Variants in SPTBN2 observed in about 807,000 individuals in gnomAD.
The protein encoded by SPTBN2 is spectrin beta, non-erythrocytic 2, also known as spectrin beta chain, non-erythrocytic 2.
A neutral mutation model predicts 284.2 loss-of-function variants in SPTBN2; 107 were observed. The ratio of observed to expected loss-of-function variants is 0.38; its 90% CI spans 0.32 to 0.44. The LOEUF (loss-of-function observed/expected upper bound fraction) is 0.44. Ranked by LOEUF, SPTBN2 falls within the 20% of genes least tolerant of loss-of-function variation. The probability of loss-of-function intolerance (pLI) is 1.00; values close to 1 mark genes in which losing one functional copy is unlikely to be tolerated. For missense variants in SPTBN2, 2,569 were observed against 3,287.1 expected, an observed-to-expected ratio of 0.78 and a Z score of 5.34; for synonymous variants, 1,289 against 1,354.8, an observed-to-expected ratio of 0.95 and a Z score of 1.07.
At position 66,708,804 on chromosome 11, in the gene SPTBN2, T is replaced by C. The variant is rs1423762703; in HGVS notation, c.1191+98A>G. 4.1e-6 allele frequency: 4 copies of C among 973,336 alleles called. No individual in the cohort carries two copies. The highest frequency in any genetic ancestry group is 3.2e-5 in the African/African-American group (2 of 62,478). 60.3% of individuals were successfully genotyped at this position (973,336 alleles called of 1,614,324 possible). ...AAGTTGGGGCAGCAGATAGTAGAAC[T>C]TGGTGAAGGTCGACATGGCCCCGGG... is the stretch of plus-strand genomic sequence containing the variant. On this transcript the variant is annotated intron_variant, in intron 11 of 37. Coordinates refer to ENST00000533211, the MANE Select transcript of SPTBN2 (RefSeq NM_006946.4). This position sits in a 1 kb window ranked among gnomAD's most constrained non-coding sequence, Gnocchi z 4.4.
chr11:66,726,440 T>C (rs1210446366), intron 1 of SPTBN2, among the ~76,000 whole-genome samples: 2 of 152,190 alleles, frequency 1.3e-5, no homozygotes, highest in South Asian at 2.1e-4. Context: ...CTGAAGCTAA[T>C]GGTCTGGGGA....
At position 66,704,794 on chromosome 11, in the gene SPTBN2, G is replaced by T; in HGVS notation, c.2482C>A (p.Pro828Thr). The T allele has an allele frequency of 1.2e-6, 2 of 1,604,342 alleles. No individual in the cohort carries two copies. The highest frequency in any genetic ancestry group is 1.7e-6 in the Non-Finnish European group (2 of 1,177,616). The change falls in exon 15 of 38, where the codon CCC (proline) becomes ACC (threonine). Residue 828 changes from proline to threonine, a missense_variant. Around this residue, in one of 6 missense-constraint regions of SPTBN2, gnomAD observed 1,012 missense variants for 1,248.9 expected, o/e 0.81. Coordinates refer to ENST00000533211, the MANE Select transcript of SPTBN2 (RefSeq NM_006946.4). ...TCCTCGTAGTGCCGCTCCAGGGTGG[G>T]CACCCGGCTCTGCACCTCGGGCGTG... ...SRTPEVQSRV[P>T]TLERHYEELQ...
Position 66,691,762 on chromosome 11 carries a change from C to G in SPTBN2, c.5191-104G>C. The G allele has an allele frequency of 6.5e-7, 1 of 1,541,752 alleles. No homozygotes were observed. Among genetic ancestry groups the G allele is most frequent in the Non-Finnish European group, 8.8e-7 (1 of 1,131,596 alleles). ...CTCCAAACTCAGAACCCACCTCTCC[C>G]CGCTGCATGGGGGCCGGGACAGGTT... On this transcript the variant is annotated intron_variant, in intron 26 of 37. Coordinates refer to ENST00000533211, the MANE Select transcript of SPTBN2 (RefSeq NM_006946.4). The surrounding 1 kb of genome is among the most constrained non-coding windows in gnomAD (Gnocchi z 8.0).
Position 66,705,165 on chromosome 11 carries a change from C to T in SPTBN2, c.2111G>A (p.Gly704Asp), listed in dbSNP as rs1166191274. Residue 704 changes from glycine to aspartate, a missense_variant, in exon 15 of 38, where the codon GGC becomes GAC. Transcript: ENST00000533211. ...LGPLKLTLEQGQQLVAEGHPG... is the reference protein window; with the variant it reads ...LGPLKLTLEQDQQLVAEGHPG... ...GTGACCCTCGGCCACCAACTGCTGG[C>T]CCTGCTCCAGGGTGAGCTTCAGGGG... The T allele has an allele frequency of 6.5e-7, 1 of 1,535,348 alleles. No individual in the cohort carries two copies. The highest frequency in any genetic ancestry group is 1.4e-5 in the African/African-American group (1 of 73,040).
At position 66,689,962 on chromosome 11, in the gene SPTBN2, A is replaced by G; in HGVS notation, c.5811-19T>C. ...CACATCCCTGGGGGGAGGCAGAAAC[A>G]GCATCACCTGCTGCCCACAGCCCCA... On this transcript the variant is annotated intron_variant, in intron 28 of 37. Coordinates refer to ENST00000533211, the MANE Select transcript of SPTBN2 (RefSeq NM_006946.4). The G allele has an allele frequency of 6.2e-7, 1 of 1,613,532 alleles. No individual in the cohort carries two copies.
intron 1 of SPTBN2, among the ~76,000 whole-genome samples, chr11:66,726,253 G>GA (rs1278365750): frequency 1.3e-5 from 2 of 152,186 alleles, no homozygotes; most frequent in Admixed American, 1.3e-4. Flanking sequence ...TCCTGGGCTG[G>GA]AATACTTTCA....
At position 66,718,480 on chromosome 11, in the gene SPTBN2, A is replaced by T. The variant is rs555615478; in HGVS notation, c.158-2499T>A. Among the ~76,000 whole-genome samples, 3 of 152,328 alleles carry T rather than the reference A, an allele frequency of 2.0e-5. No homozygotes were observed. The South Asian group carries it at 6.2e-4, about 32-fold the overall frequency. ...TGAAGCGTCCTTCCAGCACGCTGGC[A>T]TACTGAGCAGGGTTGATGAAAGCAG... On this transcript the variant is annotated intron_variant, in intron 3 of 37. Transcript: ENST00000533211. The surrounding 1 kb of genome is among the most constrained non-coding windows in gnomAD (Gnocchi z 4.8).
In SPTBN2 at chr11:66,707,679, TG is replaced by T; in HGVS notation, c.1489del (p.His497ThrfsTer54). The T allele has an allele frequency of 6.2e-7, 1 of 1,606,434 alleles. No individual in the cohort carries two copies. Among genetic ancestry groups the T allele is most frequent in the Non-Finnish European group, 8.5e-7 (1 of 1,179,534 alleles). On this transcript the variant is annotated frameshift_variant, in exon 13 of 38. Coordinates refer to ENST00000533211, the MANE Select transcript of SPTBN2 (RefSeq NM_006946.4). LOFTEE classifies it high-confidence loss of function. This position sits in a 1 kb window ranked among gnomAD's most constrained non-coding sequence, Gnocchi z 4.9. ...CCGAGCGGCGATGCGCTTGATGTCG[TG>T]GTAGCGCTCGGCGGCCAGCTCTGCA... ...VAAELAAERY[H>X]DIKRIAARQH... is the part of the protein sequence containing the mutation.
intron 1 of SPTBN2, among the ~76,000 whole-genome samples, chr11:66,740,595 G>A (rs1942889261): frequency 6.6e-6 from 1 of 152,176 alleles, no homozygotes; most frequent in South Asian, 2.1e-4. Flanking sequence ...CCAAGGATGT[G>A]ATTAGTGGAG....
intron 3 of SPTBN2, among the ~76,000 whole-genome samples, chr11:66,720,082 G>A (rs145384187): frequency 5.9e-5 from 9 of 152,298 alleles, no homozygotes; most frequent in Admixed American, 1.3e-4. Context: ...CTAACTTATT[G>A]TGTCTAGGGA....
intron 3 of SPTBN2, 101 bp downstream of exon 3, chr11:66,720,983 G>T (rs752302040): frequency 5.1e-5 from 77 of 1,521,744 alleles, no homozygotes; most frequent in Non-Finnish European, 6.6e-5. Context: ...CTCCCACTTA[G>T]AAAGAAAAGT....
intron 21 of SPTBN2, 54 bp from the exon 22 acceptor site, chr11:66,694,417 C>T: frequency 6.4e-7 from 1 of 1,558,112 alleles, no homozygotes. Flanking sequence ...GCCTTCATGC[C>T]CAGCAGAGAC....
rs779482257 is a variant in SPTBN2 at position 66,688,671 on chromosome 11, C to G, written c.6213G>C (p.Ala2071=). The change falls in exon 31 of 38, where the codon GCG becomes GCC. Residue 2071 remains alanine, a synonymous_variant. Transcript: ENST00000533211. The stretch of plus-strand genomic sequence containing the variant: ...CCCTCACCGCAGTAAGCTTCTCCAG[C>G]GCACAGAATCGCTCCTCCCAGGCCA... ...SAVAWEERFC[A]LEKLTALEER... The G allele has an allele frequency of 6.2e-7, 1 of 1,613,944 alleles. No homozygotes were observed. The highest frequency in any genetic ancestry group is 1.7e-5 in the Admixed American group (1 of 60,026).
rs778206346 is a variant in SPTBN2, at chr11:66,693,080, T to C, written c.4875A>G (p.Ala1625=). The C allele has an allele frequency of 1.1e-5, 18 of 1,614,032 alleles. No homozygotes were observed. The South Asian group carries it at 1.9e-4, about 17-fold the overall frequency. ...CCAGCACCTGGTGCTTCTTCACCTC[T>C]GCCTGGGCACTCAGCTCATCCTGGG... ...EKAKDELSAQ[A]EVKKHQVLEQ... Residue 1625 remains alanine, a synonymous_variant, in exon 25 of 38, where the codon GCA becomes GCG. Coordinates refer to ENST00000533211, the MANE Select transcript of SPTBN2 (RefSeq NM_006946.4). The surrounding 1 kb of genome is among the most constrained non-coding windows in gnomAD (Gnocchi z 5.7).
chr11:66,685,927 C>A lies in SPTBN2; in HGVS notation c.7117G>T (p.Asp2373Tyr). Residue 2373 changes from aspartate (D) to tyrosine (Y), a missense_variant, in exon 38 of 38, where the codon GAC becomes TAC. By Grantham distance (160) the Asp-to-Tyr change is radical. This residue lies in a region of SPTBN2 where 1,130 missense variants were observed against 1,317.3 expected (regional missense o/e 0.86). Transcript: ENST00000533211. This position sits in a 1 kb window ranked among gnomAD's most constrained non-coding sequence, Gnocchi z 4.4. Reference protein sequence around the residue: ...AEGPVVLRSKDGREREREKRF... With the variant: ...AEGPVVLRSKYGREREREKRF... ...TTTTCTCGCTCTCGTTCTCTGCCGTCTTTGCTGCGGAGCACAACAGGCCCC... is the reference window on the plus strand; with the variant it reads ...TTTTCTCGCTCTCGTTCTCTGCCGTATTTGCTGCGGAGCACAACAGGCCCC... The A allele has an allele frequency of 6.2e-7, 1 of 1,613,982 alleles. No individual in the cohort carries two copies. Among genetic ancestry groups the A allele is most frequent in the Non-Finnish European group, 8.5e-7 (1 of 1,180,034 alleles).
At chr11:66,740,007 A>G (rs766751216) in intron 1 of SPTBN2, among the ~76,000 whole-genome samples, 1 of 152,178 alleles carries the variant, frequency 6.6e-6, no homozygotes, top group Non-Finnish European at 1.5e-5. Flanking sequence ...ACTCCAGCCC[A>G]GGCAACAAGA....
chr11:66,713,139 TG>T, intron 8 of SPTBN2: 1 of 180,850 alleles, frequency 5.5e-6, no homozygotes, highest in Admixed American at 5.5e-5. Context: ...AGCTCCTCTG[TG>T]CTCTGCCTGG....
chr11:66,704,977 G>C lies in SPTBN2; in HGVS notation c.2299C>G (p.Leu767Val). Reference sequence around the variant, plus strand: ...AGCTCGGGGCTGGACACCAGGCGCAGTGCGTCAACCAACCAGGCCTCCATG... The same window carrying C: ...AGCTCGGGGCTGGACACCAGGCGCACTGCGTCAACCAACCAGGCCTCCATG... ...NDMEAWLVDA[L>V]RLVSSPELGH... Residue 767 changes from leucine (L) to valine (V), a missense_variant, in exon 15 of 38, where the codon CTG becomes GTG. Leu to Val is a conservative substitution (Grantham distance 32, BLOSUM62 1). Transcript: ENST00000533211. The C allele has an allele frequency of 1.2e-6, 2 of 1,607,872 alleles. No homozygotes were observed. The highest frequency in any genetic ancestry group is 2.2e-5 in the South Asian group (2 of 91,086).
chr11:66,689,716 G>T (rs1330075216), intron 29 of SPTBN2, 89 bp downstream of exon 29: 6 of 1,581,532 alleles, frequency 3.8e-6, no homozygotes, highest in Non-Finnish European at 8.6e-7. Flanking sequence ...TTCTTGCAAA[G>T]AGAGAATGAG....
Sources: allele counts gnomAD v4.1 joint callset (sites outside exome capture counted in the v4.1 genomes callset), GRCh38; gene constraint gnomAD v4.1.1; regional missense constraint gnomAD v4.1.1; non-coding constraint Gnocchi (gnomAD v3.1); transcripts MANE v1.5; gene names NCBI Gene and HGNC (gene_info 2026-07-23, HGNC 2026-07-21).